SNAP91: variants seen among roughly 807,000 people sequenced by gnomAD.
The protein encoded by SNAP91 is clathrin coat assembly protein AP180.
Under a neutral mutation model 100.3 loss-of-function variants are expected in SNAP91, and 27 were observed. The ratio of observed to expected loss-of-function variants is 0.27; its 90% CI spans 0.20 to 0.37. The LOEUF (loss-of-function observed/expected upper bound fraction) is 0.37. Among genes scored for constraint, SNAP91 ranks in the 10% least tolerant of loss-of-function variants. The probability of loss-of-function intolerance (pLI) is 1.00; values close to 1 mark genes in which losing one functional copy is unlikely to be tolerated. For missense variants in SNAP91, 986 were observed against 1,123.7 expected, an observed-to-expected ratio of 0.88 and a Z score of 1.75; for synonymous variants, 404 against 398.6, an observed-to-expected ratio of 1.01 and a Z score of -0.16.
At chr6:83,683,296 A>G (rs1038620422) in intron 2 of SNAP91, among the ~76,000 whole-genome samples, 2 of 152,020 alleles carry the variant, frequency 1.3e-5, no homozygotes, top group African/African-American at 2.4e-5. Flanking sequence ...TACAGTTTTG[A>G]TATTTCTTCT....
At position 83,617,027 on chromosome 6, in the gene SNAP91, G is replaced by A. The variant is rs2096524250; in HGVS notation, c.820C>T (p.Leu274Phe). ...IPDLTQAPSS[L>F]METLEQHLNT... ...AGATGCTGTTCAAGCGTCTCCATAA[G>A]ACTGCTGGGAGCCTACAATAAGAAA... Residue 274 changes from leucine (L) to phenylalanine (F), a missense_variant, in exon 10 of 30, where the codon CTT becomes TTT. Leu to Phe is a conservative substitution (Grantham distance 22). Transcript: ENST00000369694. 1.3e-6 allele frequency: 2 copies of A among 1,542,686 alleles called. No homozygotes were observed. The highest frequency in any genetic ancestry group is 1.4e-5 in the African/African-American group (1 of 72,530).
intron 9 of SNAP91, among the ~76,000 whole-genome samples, chr6:83,617,377 A>G (rs796579069): frequency 3.3e-5 from 5 of 152,152 alleles, no homozygotes; most frequent in African/African-American, 9.6e-5. Flanking sequence ...CATAGTAAAA[A>G]TGAATAAGTG....
chr6:83,677,974 T>C (rs576909379), intron 2 of SNAP91, among the ~76,000 whole-genome samples: 5 of 152,286 alleles, frequency 3.3e-5, no homozygotes, highest in Admixed American at 2.0e-4. Context: ...CTGGCAGTAA[T>C]TGCTGGAAGG....
intron 3 of SNAP91, among the ~76,000 whole-genome samples, chr6:83,662,665 G>A (rs1465444165): frequency 6.6e-6 from 1 of 151,786 alleles, no homozygotes; most frequent in Non-Finnish European, 1.5e-5. Context: ...GATTCAGTAG[G>A]CATCCTACAT....
chr6:83,674,196 G>A (rs536151243), intron 2 of SNAP91, among the ~76,000 whole-genome samples: 5 of 152,214 alleles, frequency 3.3e-5, no homozygotes, highest in East Asian at 3.9e-4. Flanking sequence ...AGGCCGAGGC[G>A]GGCGGATCAC....
At chr6:83,575,235 A>G (rs1816344203) in intron 25 of SNAP91, 114 bp from the exon 26 acceptor site, 1 of 735,530 alleles carries the variant, frequency 1.4e-6, no homozygotes, top group Admixed American at 2.4e-5. Flanking sequence ...TATTTAGTCA[A>G]GTGGTATAGT....
chr6:83,572,819 T>A (rs762867268), intron 26 of SNAP91, among the ~76,000 whole-genome samples: 2 of 152,208 alleles, frequency 1.3e-5, no homozygotes, highest in African/African-American at 4.8e-5. Context: ...ATAATGATAA[T>A]ATAGATTACA....
intron 13 of SNAP91, among the ~76,000 whole-genome samples, chr6:83,606,078 A>T (rs1357391883): frequency 1.3e-5 from 2 of 152,216 alleles, no homozygotes; most frequent in Non-Finnish European, 2.9e-5. Flanking sequence ...GACATAGACA[A>T]TACACAAACA....
chr6:83,634,511 A>T (rs1351811313), intron 8 of SNAP91, among the ~76,000 whole-genome samples: 1 of 152,074 alleles, frequency 6.6e-6, no homozygotes, highest in Non-Finnish European at 1.5e-5. Context: ...TTCCTGATTT[A>T]TTCCTGCAGT....
At chr6:83,629,116 A>G (rs2097099661) in intron 8 of SNAP91, among the ~76,000 whole-genome samples, 1 of 152,168 alleles carries the variant, frequency 6.6e-6, no homozygotes, top group Non-Finnish European at 1.5e-5. Context: ...TTTATTGAAA[A>G]GGTTGTCCTT....
At chr6:83,623,367 T>C (rs2096805366) in intron 8 of SNAP91, 25 bp from the exon 9 acceptor site, 1 of 1,551,816 alleles carries the variant, frequency 6.4e-7, no homozygotes, top group African/African-American at 1.4e-5. Flanking sequence ...AATTAGAAAT[T>C]AGTAGAACTT....
intron 26 of SNAP91, among the ~76,000 whole-genome samples, chr6:83,563,447 A>T (rs992141661): frequency 3.3e-5 from 5 of 152,164 alleles, no homozygotes; most frequent in African/African-American, 1.2e-4. Flanking sequence ...AAAAAAAATG[A>T]CTGAAAACTT....
chr6:83,689,940 C>A (rs543293980), intron 2 of SNAP91, among the ~76,000 whole-genome samples: 1 of 152,138 alleles, frequency 6.6e-6, no homozygotes, highest in Non-Finnish European at 1.5e-5. Context: ...ATAATTGTCT[C>A]ATTTTTTCCT....
chr6:83,665,448 A>G lies in SNAP91; in HGVS notation c.264T>C (p.His88=), dbSNP rs1408192955. The part of the protein sequence containing the change: ...ALVTTHHLMV[H]GNERFIQYLA... ...AGTTTACTTAGTTTACCTCATTTCC[A>G]TGCACCATGAGATGATGTGTTGTCA... Residue 88 remains histidine, a synonymous_variant, in exon 3 of 30, where the codon CAT becomes CAC. Transcript: ENST00000369694. The G allele has an allele frequency of 6.2e-7, 1 of 1,611,662 alleles. No individual in the cohort carries two copies. The highest frequency in any genetic ancestry group is 1.1e-5 in the South Asian group (1 of 90,712).
rs553812163 is a variant in SNAP91, at chr6:83,700,574, A to C, written c.130+7224T>G. On this transcript the variant is annotated intron_variant, in intron 2 of 29. Coordinates refer to ENST00000369694, the MANE Select transcript of SNAP91 (RefSeq NM_001242792.2). ...ACAGATGAGGCTTATTACTGATCTA[A>C]ATCAAGCAGAAGACAACTAAAGAAA... Among the ~76,000 whole-genome samples the C allele has an allele frequency of 2.0e-5, 3 of 151,562 alleles. No individual in the cohort carries two copies. The South Asian group carries it at 6.3e-4, about 32-fold the overall frequency.
chr6:83,561,044 T>C (rs1475421415), intron 26 of SNAP91, 97 bp from the exon 27 acceptor site: 4 of 801,894 alleles, frequency 5.0e-6, no homozygotes, highest in Non-Finnish European at 5.7e-6. Context: ...TAATTTGGTA[T>C]TTATTTATTT....
intron 22 of SNAP91, among the ~76,000 whole-genome samples, chr6:83,586,931 TTA>T (rs2092753039): frequency 6.6e-6 from 1 of 151,958 alleles, no homozygotes. Flanking sequence ...ACCAAACACC[TTA>T]AAATTTTTAC....
intron 22 of SNAP91, among the ~76,000 whole-genome samples, chr6:83,588,211 C>T (rs1284992293): frequency 6.6e-6 from 1 of 152,110 alleles, no homozygotes; most frequent in African/African-American, 2.4e-5. Flanking sequence ...CATTAAATTA[C>T]AAGAACTGTT....
intron 4 of SNAP91, among the ~76,000 whole-genome samples, chr6:83,661,907 C>G (rs1232312755): frequency 6.6e-6 from 1 of 152,176 alleles, no homozygotes; most frequent in African/African-American, 2.4e-5. Context: ...ATGCAGCCAT[C>G]TGATAATGTT....
Sources: gnomAD v4.1 joint callset for allele counts (sites outside exome capture counted in the v4.1 genomes callset) on GRCh38, gnomAD v4.1.1 for gene constraint, MANE v1.5 for transcripts, NCBI Gene and HGNC (gene_info 2026-07-23, HGNC 2026-07-21) for gene names.